Variants in TMEM87A observed in about 807,000 individuals in gnomAD.
TMEM87A encodes the protein Golgi-pH regulating cation channel.
In TMEM87A, 50 loss-of-function variants were observed where a neutral mutation model predicts 90.0. The observed-to-expected ratio is 0.56, with a 90% CI of 0.44 to 0.70. The LOEUF is 0.70. TMEM87A is among the 30% of genes least tolerant of loss of function. The pLI is 0.00. For synonymous variants in TMEM87A, 226 were observed against 226.7 expected (o/e 1.00, Z 0.03); for missense variants, 577 against 660.5 (o/e 0.87, Z 1.39).
chr15:42,258,814 G>A lies in TMEM87A; in HGVS notation c.504+2144C>T, dbSNP rs369987557. 22 of 1,464,114 alleles carry A rather than the reference G, an allele frequency of 1.5e-5. No homozygotes were observed. The African/African-American group carries it at 2.4e-4, about 16-fold the overall frequency. 90.7% of individuals were successfully genotyped at this position (1,464,114 alleles called of 1,614,324 possible). ...TAAAATTCTGTACAAATAAAACTGG[G>A]GTTTAGGTAGTGAGAACACTTTCAG... On this transcript the variant is annotated intron_variant, in intron 6 of 19. Coordinates refer to ENST00000389834, the MANE Select transcript of TMEM87A (RefSeq NM_015497.5).
intron 6 of TMEM87A, among the ~76,000 whole-genome samples, chr15:42,249,535 A>G (rs1433518053): frequency 6.6e-6 from 1 of 152,186 alleles, no homozygotes; most frequent in Non-Finnish European, 1.5e-5. Flanking sequence ...TCATTTCGTT[A>G]TTTATCCAGC....
At chr15:42,272,632 G>A (rs1337552627) in intron 1 of TMEM87A, 5 of 280,176 alleles carry the variant, frequency 1.8e-5, no homozygotes, top group Non-Finnish European at 3.5e-5. Context: ...GGCAGAAAGG[G>A]TCAACCCATG....
rs1595751225 is a variant in TMEM87A at position 42,267,634 on chromosome 15, T to C, written c.291+313A>G. Reference sequence around the variant, plus strand: ...TTCTGGGAAAAACAGTTATTTATATTAACATGCAATAAGTTTATTATTGCT... The same window carrying C: ...TTCTGGGAAAAACAGTTATTTATATCAACATGCAATAAGTTTATTATTGCT... On this transcript the variant is annotated intron_variant, in intron 3 of 19. Coordinates refer to ENST00000389834, the MANE Select transcript of TMEM87A (RefSeq NM_015497.5). Among the ~76,000 whole-genome samples the C allele has an allele frequency of 2.0e-5, 3 of 152,230 alleles. No homozygotes were observed. In the East Asian group the frequency reaches 5.8e-4, roughly 29 times the overall value.
At chr15:42,273,538 C>G (rs2141003323), upstream of TMEM87A, 5 of 1,415,934 alleles carry the variant, frequency 3.5e-6, no homozygotes, top group Non-Finnish European at 4.7e-6. Flanking sequence ...GCGTAGCGGC[C>G]CCTCTCTCAG....
intron 9 of TMEM87A, 24 bp downstream of exon 9, chr15:42,237,408 G>C: frequency 6.2e-7 from 1 of 1,610,578 alleles, no homozygotes; most frequent in Non-Finnish European, 8.5e-7. Flanking sequence ...CACTCGAACT[G>C]GCAAAGATTT....
At chr15:42,215,324 C>T (rs551785544) in intron 19 of TMEM87A, among the ~76,000 whole-genome samples, 84 of 152,112 alleles carry the variant, frequency 5.5e-4, no homozygotes, top group African/African-American at 1.9e-3. Context: ...ACGGTGAAAC[C>T]CCGTCTCTAC....
At chr15:42,215,156 G>T (rs1037303097) in intron 19 of TMEM87A, among the ~76,000 whole-genome samples, 4 of 152,150 alleles carry the variant, frequency 2.6e-5, no homozygotes, top group African/African-American at 9.7e-5. Flanking sequence ...GAATACAATG[G>T]TAAGTATTTG....
intron 6 of TMEM87A, among the ~76,000 whole-genome samples, chr15:42,254,797 A>G (rs1166727556): frequency 2.0e-5 from 3 of 152,226 alleles, no homozygotes; most frequent in African/African-American, 7.2e-5. Flanking sequence ...TTACACATTT[A>G]TCAAAATTCA....
intron 6 of TMEM87A, among the ~76,000 whole-genome samples, chr15:42,257,145 G>T (rs923322982): frequency 3.9e-5 from 6 of 152,124 alleles, no homozygotes; most frequent in Non-Finnish European, 7.4e-5. Context: ...CACTGCTATG[G>T]TTTAGATATC....
At chr15:42,221,689 G>A (rs1490372965) in intron 15 of TMEM87A, among the ~76,000 whole-genome samples, 5 of 151,862 alleles carry the variant, frequency 3.3e-5, no homozygotes, top group African/African-American at 1.2e-4. Context: ...AGGCAACATA[G>A]CAAGACCCCA....
chr15:42,264,683 G>GTGTATATATATATATATA (rs1449477404), intron 3 of TMEM87A, among the ~76,000 whole-genome samples: 1 of 116,368 alleles, frequency 8.6e-6, no homozygotes, highest in African/African-American at 3.0e-5. Flanking sequence ...ATATGTGTGT[G>GTGTATATATATATATATA]TATATATATA....
intron 15 of TMEM87A, among the ~76,000 whole-genome samples, chr15:42,224,018 G>A (rs1338198661): frequency 6.6e-6 from 1 of 152,102 alleles, no homozygotes; most frequent in Non-Finnish European, 1.5e-5. Flanking sequence ...AATATTTCTT[G>A]AGCATGTGCC....
At chr15:42,218,512 A>T in intron 17 of TMEM87A, 134 bp from the exon 18 acceptor site, 1 of 747,600 alleles carries the variant, frequency 1.3e-6, no homozygotes, top group Non-Finnish European at 2.1e-6. Context: ...CTGACAGAAA[A>T]GTCAAATATT....
intron 8 of TMEM87A, among the ~76,000 whole-genome samples, chr15:42,238,590 A>G (rs1342986245): frequency 6.6e-6 from 1 of 151,804 alleles, no homozygotes; most frequent in African/African-American, 2.4e-5. Flanking sequence ...ATAATAAAAT[A>G]AAATAAAAAT....
intron 6 of TMEM87A, among the ~76,000 whole-genome samples, chr15:42,251,993 C>T (rs545922281): frequency 2.0e-5 from 3 of 152,304 alleles, no homozygotes; most frequent in South Asian, 2.1e-4. Context: ...CCTCGCAGTT[C>T]GATTTGGGAC....
At chr15:42,231,157 T>C in intron 12 of TMEM87A, 35 bp downstream of exon 12, 9 of 1,571,082 alleles carry the variant, frequency 5.7e-6, no homozygotes, top group South Asian at 1.2e-5. Flanking sequence ...GGGGAGAAAA[T>C]GGACCATCAT....
chr15:42,235,809 C>T (rs1712410), intron 10 of TMEM87A, among the ~76,000 whole-genome samples: 144,758 of 152,230 alleles, frequency 0.95, 69,080 homozygotes, highest in Non-Finnish European at 1. Flanking sequence ...AATATTTTAC[C>T]CACTTAAATT....
rs367909084 is a variant in TMEM87A at position 42,211,755 on chromosome 15, G to GA, written c.1627-7dup. ...AAGTGTGTGATCATTCGTTCCTAGG[G>GA]AAAAAAAAAAAGGTTGAAGTATATT... is the stretch of plus-strand genomic sequence containing the variant. On this transcript the variant is annotated splice_polypyrimidine_tract_variant and splice_region_variant and intron_variant, in intron 19 of 19. Transcript: ENST00000389834. 0.031 allele frequency: 32,692 copies of GA among 1,058,722 alleles called. No individual in the cohort carries two copies. The highest frequency in any genetic ancestry group is 0.036 in the South Asian group (2,078 of 57,342). 65.6% of individuals were successfully genotyped at this position (1,058,722 alleles called of 1,614,324 possible).
chr15:42,211,776 A>G (rs766424460), intron 19 of TMEM87A, 27 bp from the exon 20 acceptor site: 2 of 1,604,828 alleles, frequency 1.2e-6, no homozygotes, highest in Non-Finnish European at 1.7e-6. Context: ...AGGTTGAAGT[A>G]TATTAGGTTA....
Sources: gnomAD v4.1 joint callset for allele counts (sites outside exome capture counted in the v4.1 genomes callset) on GRCh38, gnomAD v4.1.1 for gene constraint, MANE v1.5 for transcripts, NCBI Gene and HGNC (gene_info 2026-07-23, HGNC 2026-07-21) for gene names.